NUDC: variants seen among roughly 807,000 people sequenced by gnomAD.
NUDC encodes nuclear distribution C, dynein complex regulator.
In NUDC, 14 loss-of-function variants were observed where a neutral mutation model predicts 45.0. The observed-to-expected ratio is 0.31, with a 90% CI of 0.21 to 0.49. The LOEUF (loss-of-function observed/expected upper bound fraction) is 0.49. Among genes scored for constraint, NUDC ranks in the 20% least tolerant of loss-of-function variants. NUDC has a pLI of 0.99. For synonymous variants in NUDC, 153 were observed against 156.7 expected (o/e 0.98, Z 0.17); for missense variants, 323 against 426.2 (o/e 0.76, Z 2.13).
exon 1 of NUDC, chr1:26,900,355 G>T (rs747164969): frequency 9.3e-6 from 15 of 1,613,948 alleles, no homozygotes; most frequent in Middle Eastern, 1.6e-4. Flanking sequence ...AAATAGCTCC[G>T]TAAATGGGCC....
At chr1:26,923,204 G>A (rs759055901) in intron 1 of NUDC, among the ~76,000 whole-genome samples, 60 of 152,250 alleles carry the variant, frequency 3.9e-4, no homozygotes, top group Non-Finnish European at 6.8e-4. Flanking sequence ...TTTACCCTCT[G>A]CCAGTGGGTC....
chr1:26,907,221 AC>A (rs2082006386), intron 2 of NUDC, among the ~76,000 whole-genome samples: 1 of 152,056 alleles, frequency 6.6e-6, no homozygotes, highest in Non-Finnish European at 1.5e-5. Context: ...GCCTAGCAAA[AC>A]CCTGTTCATT....
At chr1:26,938,795 G>T (rs2082254932) in intron 2 of NUDC, among the ~76,000 whole-genome samples, 1 of 152,208 alleles carries the variant, frequency 6.6e-6, no homozygotes, top group Non-Finnish European at 1.5e-5. Flanking sequence ...CACATGGCAA[G>T]TGCCCTGCAA....
chr1:26,931,581 C>A (rs2082184311), intron 2 of NUDC, among the ~76,000 whole-genome samples: 1 of 149,996 alleles, frequency 6.7e-6, no homozygotes, highest in Admixed American at 6.6e-5. Context: ...GAGATCGAGA[C>A]TATCCTGGCC....
At position 26,946,378 on chromosome 1, in the gene NUDC, T is replaced by TA. The variant is rs2124147750; in HGVS notation, c.*201dup. 3.2e-6 allele frequency: 2 copies of TA among 623,308 alleles called. No individual in the cohort carries two copies. Among genetic ancestry groups the TA allele is most frequent in the East Asian group, 5.7e-5 (2 of 34,944 alleles). The allele number at this position is 623,308 out of a possible 1,614,324, so 38.6% of individuals were successfully genotyped here. A position where few individuals can be genotyped will look rare whatever the true frequency, so the allele number is the denominator to read the frequency against. The stretch of plus-strand genomic sequence containing the variant: ...CCCCAGTTGGCCTACTGTTACACAT[T>TA]AAAACGATTTGCCCAGCTCCTTCTG... On this transcript the variant is annotated 3_prime_UTR_variant, in exon 9 of 9. Coordinates refer to ENST00000321265, the MANE Select transcript of NUDC (RefSeq NM_006600.4).
At chr1:26,926,098 T>C (rs2082130170) in intron 2 of NUDC, among the ~76,000 whole-genome samples, 2 of 151,288 alleles carry the variant, frequency 1.3e-5, no homozygotes, top group South Asian at 2.1e-4. Context: ...CTCACTGCAA[T>C]GTCTGCCTCT....
chr1:26,929,638 C>T, intron 2 of NUDC: 1 of 344,538 alleles, frequency 2.9e-6, no homozygotes. Context: ...GGTGGGACTA[C>T]CCTATTGCAT....
Position 26,912,689 on chromosome 1 carries a change from G to A in NUDC, c.93+1454G>A, listed in dbSNP as rs1034780482. Among the ~76,000 whole-genome samples the A allele has an allele frequency of 5.9e-5, 9 of 151,992 alleles. No homozygotes were observed. In the South Asian group the frequency reaches 8.3e-4, roughly 14 times the overall value. ...AAGACTCCTTTCCTGTCCTCCCTAC[G>A]CCCCTTTCAGTCATCTCTTCTATGT... On this transcript the variant is annotated intron_variant, in intron 3 of 6. Coordinates refer to the NUDC transcript ENST00000435827.
chr1:26,944,545 T>C (rs899204961), intron 6 of NUDC, among the ~76,000 whole-genome samples: 2 of 152,112 alleles, frequency 1.3e-5, no homozygotes, highest in African/African-American at 4.8e-5. Context: ...AGCTCATGCC[T>C]GTAATCCTAG....
At chr1:26,937,679 G>A (rs1436274592) in intron 2 of NUDC, among the ~76,000 whole-genome samples, 1 of 151,646 alleles carries the variant, frequency 6.6e-6, no homozygotes. Flanking sequence ...TTGAGACAGA[G>A]TCTTGCTCTG....
intron 2 of NUDC, among the ~76,000 whole-genome samples, chr1:26,936,430 TC>T (rs934172241): frequency 1.3e-5 from 2 of 151,244 alleles, no homozygotes; most frequent in Non-Finnish European, 2.9e-5. Context: ...CCTCAGGTGA[TC>T]CGCCTGCCTC....
chr1:26,917,249 C>A (rs1012472555), upstream of NUDC, among the ~76,000 whole-genome samples: 1 of 149,458 alleles, frequency 6.7e-6, no homozygotes, highest in Non-Finnish European at 1.5e-5. Flanking sequence ...CGGAGTGAGA[C>A]CTTGTCTCAA....
rs113654931 is a variant in NUDC at position 26,913,781 on chromosome 1, G to A, written c.93+2546G>A. ...ACATCCAAGGCCTCCCGGCAGGTGC[G>A]ATGAGGTGCACATAGCTGGACGGGC... On this transcript the variant is annotated intron_variant, in intron 3 of 6. Coordinates refer to the NUDC transcript ENST00000435827. The A allele has an allele frequency of 2.2e-4, 348 of 1,558,350 alleles. 1 individual carries two copies. Among genetic ancestry groups the A allele is most frequent in the Admixed American group, 8.8e-4 (47 of 53,506 alleles).
chr1:26,940,733 T>C lies in NUDC; in HGVS notation c.160-724T>C, dbSNP rs375938855. On this transcript the variant is annotated intron_variant, in intron 2 of 8. Transcript: ENST00000321265. ...CAGAGTCTCGCTTTGTCACCCATGC[T>C]GGAGTGCAGTGGCCTGATCTCAGCT... Among the ~76,000 whole-genome samples, 18 of 152,294 alleles carry C rather than the reference T, an allele frequency of 1.2e-4. No homozygotes were observed. In the East Asian group the frequency reaches 3.5e-3, roughly 30 times the overall value.
intron 2 of NUDC, 125 bp from the exon 3 acceptor site, chr1:26,941,332 G>T (rs56214507): frequency 1.1e-6 from 1 of 913,728 alleles, no homozygotes; most frequent in African/African-American, 1.6e-5. Context: ...TTGCACATGA[G>T]GAAACCGAGT....
intron 2 of NUDC, among the ~76,000 whole-genome samples, chr1:26,909,101 A>G (rs903881200): frequency 3.0e-4 from 46 of 152,024 alleles, no homozygotes; most frequent in African/African-American, 9.2e-4. Flanking sequence ...CAGCCTCCCA[A>G]GTAGCTGCGA....
At chr1:26,945,050 A>G in intron 6 of NUDC, 1 of 333,672 alleles carries the variant, frequency 3.0e-6, no homozygotes, top group South Asian at 3.1e-5. Context: ...CTCAAAAAAT[A>G]TATATATTTA....
chr1:26,927,187 C>CGTGTGTGT (rs71010306), intron 2 of NUDC, among the ~76,000 whole-genome samples: 1 of 126,742 alleles, frequency 7.9e-6, no homozygotes, highest in Non-Finnish European at 1.7e-5. Flanking sequence ...AGAGATGAAC[C>CGTGTGTGT]GTGTGTGTGT....
At chr1:26,910,266 C>G (rs17162333) in intron 2 of NUDC, among the ~76,000 whole-genome samples, 23,687 of 151,996 alleles carry the variant, frequency 0.16, 1,990 homozygotes, top group African/African-American at 0.21. Context: ...CTGTTTTATG[C>G]GTCTGTGTAG....
Sources: allele counts gnomAD v4.1 joint callset (sites outside exome capture counted in the v4.1 genomes callset), GRCh38; gene constraint gnomAD v4.1.1; transcripts MANE v1.5; gene names NCBI Gene and HGNC (gene_info 2026-07-23, HGNC 2026-07-21).